Variants in TMEM53 observed in about 807,000 individuals in gnomAD.
TMEM53 encodes the protein transmembrane protein 53.
Under a neutral mutation model 21.4 loss-of-function variants are expected in TMEM53, and 14 were observed. The ratio of observed to expected loss-of-function variants is 0.65; its 90% confidence interval spans 0.43 to 1.02. The LOEUF is 1.02. TMEM53 is among the 50% of genes least tolerant of loss of function. The pLI is 0.00. For synonymous variants in TMEM53, 148 were observed against 157.4 expected (o/e 0.94, Z 0.45); for missense variants, 323 against 383.6 (o/e 0.84, Z 1.32).
Position 44,655,018 on chromosome 1 carries a change from C to T in TMEM53, c.375G>A (p.Glu125=), listed in dbSNP as rs148215039. 3.1e-6 allele frequency: 5 copies of T among 1,614,060 alleles called. No homozygotes were observed. Among genetic ancestry groups the T allele is most frequent in the Non-Finnish European group, 1.7e-6 (2 of 1,179,934 alleles). ...GGVMLYRYVL[E]LLQTRRFCRL... is the part of the protein sequence containing the mutation. ...GGCAGAAGCGACGGGTCTGCAGGAG[C>T]TCCAGCACGTAGCGGTACAGCATGA... Residue 125 remains glutamate (E), a synonymous_variant, in exon 3 of 3, where the codon GAG becomes GAA. Coordinates refer to ENST00000372237, the MANE Select transcript of TMEM53 (RefSeq NM_024587.4). The surrounding 1 kb of genome is among the most constrained non-coding windows in gnomAD (Gnocchi z 4.4).
chr1:44,668,621 A>C (rs1344237093), intron 1 of TMEM53, among the ~76,000 whole-genome samples: 2 of 151,928 alleles, frequency 1.3e-5, no homozygotes, highest in Non-Finnish European at 2.9e-5. Flanking sequence ...GGCTCACTGC[A>C]GCCTCGAACT....
Position 44,654,581 on chromosome 1 carries a change from A to G in TMEM53, c.812T>C (p.Met271Thr). 6.2e-7 allele frequency: 1 copy of G among 1,607,240 alleles called. No individual in the cohort carries two copies. Among genetic ancestry groups the G allele is most frequent in the Middle Eastern group, 1.7e-4 (1 of 6,048 alleles). The change falls in exon 3 of 3, where the codon ATG (methionine) becomes ACG (threonine). Residue 271 changes from methionine (M) to threonine (T), a missense_variant. Met to Thr is a moderately conservative substitution (Grantham distance 81, BLOSUM62 -1). Coordinates refer to ENST00000372237, the MANE Select transcript of TMEM53 (RefSeq NM_024587.4). The surrounding 1 kb of genome is among the most constrained non-coding windows in gnomAD (Gnocchi z 7.0). ...GCCTCAGCAGCGGACGCAGTTGCGCATGAAGTCGACACAGAGGCTTGTGTA... is the reference window on the plus strand; with the variant it reads ...GCCTCAGCAGCGGACGCAGTTGCGCGTGAAGTCGACACAGAGGCTTGTGTA... The part of the protein sequence containing the change: ...TYYTSLCVDF[M>T]RNCVRC
chr1:44,666,649 T>C (rs1411262686), intron 1 of TMEM53, among the ~76,000 whole-genome samples: 1 of 152,164 alleles, frequency 6.6e-6, no homozygotes, highest in African/African-American at 2.4e-5. Context: ...TTCATTTATA[T>C]AAAATATCAA....
In TMEM53 at chr1:44,655,194, G is replaced by A. The variant is rs1461061896; in HGVS notation, c.199C>T (p.Arg67Ter). The A allele has an allele frequency of 6.2e-6, 10 of 1,606,716 alleles. No homozygotes were observed. The highest frequency in any genetic ancestry group is 2.2e-5 in the East Asian group (1 of 44,836). The change falls in exon 3 of 3, where the codon CGA (arginine) becomes TGA (stop). Residue 67 changes from arginine to a stop codon, truncating the protein, a stop_gained. Transcript: ENST00000372237. LOFTEE classifies it high-confidence loss of function. The surrounding 1 kb of genome is among the most constrained non-coding windows in gnomAD (Gnocchi z 4.4). ...ACCATGTGCCACGGGGCTGTGTATCGGATTACGATGCAGCCCTGGGGAGAG... is the reference window on the plus strand; with the variant it reads ...ACCATGTGCCACGGGGCTGTGTATCAGATTACGATGCAGCCCTGGGGAGAG... The part of the protein sequence containing the change: ...IYHKRGCIVI[R>*]YTAPWHMVFF...
intron 2 of TMEM53, among the ~76,000 whole-genome samples, chr1:44,659,045 G>A (rs1213645953): frequency 6.6e-6 from 1 of 152,212 alleles, no homozygotes; most frequent in Non-Finnish European, 1.5e-5. Context: ...GCCGAGCCCA[G>A]TGAGCAGAAC....
intron 1 of TMEM53, among the ~76,000 whole-genome samples, chr1:44,662,573 G>A (rs562909193): frequency 9.9e-5 from 15 of 152,146 alleles, no homozygotes; most frequent in East Asian, 1.9e-4. Context: ...AGCAGCTACC[G>A]TTTGAACCTG....
intron 1 of TMEM53, among the ~76,000 whole-genome samples, chr1:44,662,968 C>T (rs1221667342): frequency 6.6e-6 from 1 of 152,226 alleles, no homozygotes; most frequent in African/African-American, 2.4e-5. Context: ...CTTCACCCTC[C>T]ATGAAGGCGA....
chr1:44,668,876 A>C (rs1381423022), intron 1 of TMEM53, among the ~76,000 whole-genome samples: 1 of 152,222 alleles, frequency 6.6e-6, no homozygotes, highest in Non-Finnish European at 1.5e-5. Context: ...TTTTTAAAAG[A>C]AGAGCAGAGC....
intron 1 of TMEM53, among the ~76,000 whole-genome samples, chr1:44,664,559 C>T (rs902782755): frequency 1.3e-5 from 2 of 151,994 alleles, no homozygotes; most frequent in African/African-American, 4.8e-5. Context: ...ACATAACTAA[C>T]AAGCAGTGAA....
intron 1 of TMEM53, among the ~76,000 whole-genome samples, chr1:44,663,556 G>A (rs1644920028): frequency 6.6e-6 from 1 of 152,106 alleles, no homozygotes; most frequent in Admixed American, 6.5e-5. Context: ...CATTGCTATG[G>A]CTATTGTTAT....
rs749890369 is a variant in TMEM53, at chr1:44,660,175, C to T, written c.182G>A (p.Arg61Lys). 4.3e-6 allele frequency: 7 copies of T among 1,613,800 alleles called. No homozygotes were observed. Among genetic ancestry groups the T allele is most frequent in the Non-Finnish European group, 5.9e-6 (7 of 1,179,912 alleles). Residue 61 changes from arginine (R) to lysine (K), a missense_variant and splice_region_variant, in exon 2 of 3, where the codon AGG becomes AAG. Physicochemically the swap from Arg to Lys is conservative, Grantham distance 26. This residue lies in a region of TMEM53 where 269 missense variants were observed against 334.5 expected (regional missense o/e 0.80). Transcript: ENST00000372237. The part of the protein sequence containing the change: ...LAKYSAIYHK[R>K]GCIVIRYTAP... Reference sequence around the variant, plus strand: ...GGGAGAGGGCACCAGAGTACTCACCCTTTTGTGGTAGATGGCACTGTACTT... The same window carrying T: ...GGGAGAGGGCACCAGAGTACTCACCTTTTTGTGGTAGATGGCACTGTACTT...
chr1:44,673,034 T>C (rs764601339), intron 1 of TMEM53, among the ~76,000 whole-genome samples: 3 of 152,230 alleles, frequency 2.0e-5, no homozygotes, highest in Non-Finnish European at 2.9e-5. Flanking sequence ...CTCCTGGCCG[T>C]GCAGAAGGCA....
chr1:44,657,884 T>C (rs1291578269), intron 2 of TMEM53, among the ~76,000 whole-genome samples: 1 of 135,804 alleles, frequency 7.4e-6, no homozygotes, highest in African/African-American at 2.5e-5. Context: ...TGGGTTGGAC[T>C]TTTTTTTTTT....
chr1:44,654,960 C>G lies in TMEM53; in HGVS notation c.433G>C (p.Ala145Pro), dbSNP rs1413441223. ...LRVVGTIFDS[A>P]PGDSNLVGAL... The stretch of plus-strand genomic sequence containing the variant: ...CCTACCAGGTTGCTGTCACCAGGAG[C>G]GCTGTCAAAGATGGTGCCCACCACA... Residue 145 changes from alanine (A) to proline (P), a missense_variant, in exon 3 of 3, where the codon GCT (alanine) becomes CCT (proline). Around this residue, in one of 3 missense-constraint regions of TMEM53, gnomAD observed 269 missense variants for 334.5 expected, o/e 0.80. Coordinates refer to ENST00000372237, the MANE Select transcript of TMEM53 (RefSeq NM_024587.4). This position sits in a 1 kb window ranked among gnomAD's most constrained non-coding sequence, Gnocchi z 7.0. 3.7e-6 allele frequency: 6 copies of G among 1,613,700 alleles called. No individual in the cohort carries two copies. The African/African-American group carries it at 6.7e-5, about 18-fold the overall frequency.
chr1:44,670,205 A>G (rs1644987300), intron 1 of TMEM53, among the ~76,000 whole-genome samples: 1 of 136,288 alleles, frequency 7.3e-6, no homozygotes, highest in Non-Finnish European at 1.6e-5. Flanking sequence ...GTCCTCGTAG[A>G]CAAGACAAGG....
At chr1:44,664,605 A>G (rs961073898) in intron 1 of TMEM53, among the ~76,000 whole-genome samples, 15 of 152,148 alleles carry the variant, frequency 9.9e-5, no homozygotes, top group Non-Finnish European at 1.8e-4. Flanking sequence ...AACTCTAAAG[A>G]CCAGCTTGTA....
chr1:44,673,697 A>G lies in TMEM53; in HGVS notation c.61+634T>C, dbSNP rs1300067171. 1.9e-5 allele frequency: 6 copies of G among 312,770 alleles called. No homozygotes were observed. The South Asian group carries it at 3.7e-4, about 19-fold the overall frequency. 19.4% of individuals were successfully genotyped at this position (312,770 alleles called of 1,614,324 possible). On this transcript the variant is annotated intron_variant, in intron 1 of 2. Transcript: ENST00000372237. ...ATCTCCAGATGGCCCCAACAGCCCT[A>G]TGAGGAAGGTTACTATCCTTATCCC...
intron 2 of TMEM53, among the ~76,000 whole-genome samples, chr1:44,656,861 A>C (rs1168537258): frequency 2.6e-5 from 4 of 152,100 alleles, no homozygotes; most frequent in African/African-American, 9.7e-5. Flanking sequence ...AAAATACACA[A>C]ATTAGCCAGG....
chr1:44,655,126 C>T lies in TMEM53; in HGVS notation c.267G>A (p.Leu89=). Reference sequence around the variant, plus strand: ...AGAGCAGCTCGAGCAGCTTCTGGGCCAAAACACGAAGTGAAGGGATACCCA... The same window carrying T: ...AGAGCAGCTCGAGCAGCTTCTGGGCTAAAACACGAAGTGAAGGGATACCCA... The part of the protein sequence containing the change: ...ESLGIPSLRV[L]AQKLLELLFD... Residue 89 remains leucine, a synonymous_variant, in exon 3 of 3, where the codon TTG becomes TTA. Coordinates refer to ENST00000372237, the MANE Select transcript of TMEM53 (RefSeq NM_024587.4). This position sits in a 1 kb window ranked among gnomAD's most constrained non-coding sequence, Gnocchi z 4.4. The T allele has an allele frequency of 6.2e-7, 1 of 1,614,186 alleles. No homozygotes were observed. Among genetic ancestry groups the T allele is most frequent in the Non-Finnish European group, 8.5e-7 (1 of 1,180,020 alleles).
Sources: gnomAD v4.1 joint callset for allele counts (sites outside exome capture counted in the v4.1 genomes callset) on GRCh38, gnomAD v4.1.1 for gene constraint, gnomAD v4.1.1 regional missense constraint, Gnocchi (gnomAD v3.1) non-coding constraint, MANE v1.5 for transcripts, NCBI Gene and HGNC (gene_info 2026-07-23, HGNC 2026-07-21) for gene names.